STK32B: variants seen among roughly 807,000 people sequenced by gnomAD.
STK32B encodes the protein serine/threonine kinase 32B, also known as serine/threonine-protein kinase 32B.
Under a neutral mutation model 52.6 loss-of-function variants are expected in STK32B, and 43 were observed. That is an observed-to-expected ratio of 0.82 (90% CI 0.64 to 1.05). The LOEUF is 1.05. Ranked by LOEUF, STK32B falls within the 50% of genes least tolerant of loss-of-function variation. The pLI, the probability that STK32B is intolerant of heterozygous loss-of-function variation, is 0.00. For synonymous variants in STK32B, 238 were observed against 204.3 expected, an observed-to-expected ratio of 1.17 and a Z score of -1.41; for missense variants, 621 against 534.6, an observed-to-expected ratio of 1.16 and a Z score of -1.59.
rs1026483081 is a variant in STK32B, at chr4:5,254,985, G to T, written c.261-76235G>T. Among the ~76,000 whole-genome samples the T allele has an allele frequency of 1.8e-4, 24 of 133,312 alleles. 2 individuals carry two copies. Among genetic ancestry groups the T allele is most frequent in the Non-Finnish European group, 7.6e-5 (5 of 65,658 alleles). The allele number at this position is 133,312 out of a possible 152,430, so 87.5% of individuals were successfully genotyped here. A position where few individuals can be genotyped will look rare whatever the true frequency, so the allele number is the denominator to read the frequency against. ...TCACTAATATATATATATGTTTATT[G>T]AGCATCTTATGCACATGAGGCCTTT... On this transcript the variant is annotated intron_variant, in intron 3 of 11. Coordinates refer to ENST00000282908, the MANE Select transcript of STK32B (RefSeq NM_018401.3).
chr4:5,180,110 GAC>G (rs1397301794), intron 3 of STK32B, among the ~76,000 whole-genome samples: 1 of 152,210 alleles, frequency 6.6e-6, no homozygotes, highest in East Asian at 1.9e-4. Flanking sequence ...GTGGCCCCAG[GAC>G]TGGTGCCTGC....
At chr4:5,461,806 CCTT>C (rs1717048749) in intron 9 of STK32B, among the ~76,000 whole-genome samples, 1 of 152,216 alleles carries the variant, frequency 6.6e-6, no homozygotes, top group Non-Finnish European at 1.5e-5. Flanking sequence ...GCCTGGACCT[CCTT>C]CTGCCCGCCC....
chr4:5,327,975 T>A (rs1158508058), intron 3 of STK32B, among the ~76,000 whole-genome samples: 1 of 152,252 alleles, frequency 6.6e-6, no homozygotes, highest in Non-Finnish European at 1.5e-5. Context: ...AGCTTCTCCA[T>A]CAACACCTGC....
chr4:5,166,868 A>G (rs1474069897), intron 2 of STK32B, among the ~76,000 whole-genome samples: 2 of 152,152 alleles, frequency 1.3e-5, no homozygotes, highest in Non-Finnish European at 2.9e-5. Context: ...CAAGGAACCA[A>G]TACAGTCCCT....
chr4:5,309,522 T>C (rs1449883074), intron 3 of STK32B, among the ~76,000 whole-genome samples: 2 of 152,138 alleles, frequency 1.3e-5, no homozygotes, highest in Non-Finnish European at 2.9e-5. Context: ...CAGTATGGTG[T>C]TGACATGAAA....
intron 1 of STK32B, among the ~76,000 whole-genome samples, chr4:5,131,312 C>T (rs141661283): frequency 6.6e-5 from 10 of 152,344 alleles, no homozygotes; most frequent in South Asian, 2.1e-4. Flanking sequence ...AGGCTGAGAT[C>T]GCTGTACAAT....
chr4:5,137,157 G>A (rs890233633), intron 1 of STK32B, among the ~76,000 whole-genome samples: 7 of 152,202 alleles, frequency 4.6e-5, no homozygotes, highest in African/African-American at 1.2e-4. Context: ...CCTCTACAGC[G>A]ATAAAGCTGT....
Position 5,428,101 on chromosome 4 carries a change from T to C in STK32B, c.562+11167T>C, listed in dbSNP as rs183891041. 2.5e-3 allele frequency among the ~76,000 whole-genome samples: 374 copies of C among 152,172 alleles called. 6 individuals are homozygous for C. The highest frequency in any genetic ancestry group is 5.7e-4 in the Non-Finnish European group (39 of 68,014). ...AAATTTAGATATATTGTGCTTTTAA[T>C]TTCATTCAGTTAAAAACATTTCTAG... On this transcript the variant is annotated intron_variant, in intron 6 of 11. Transcript: ENST00000282908.
In STK32B at chr4:5,490,111, ATT is replaced by A. The variant is rs36009435; in HGVS notation, c.1107-8821_1107-8820del. ...GATCTTTTTGTTGTTTTAAGTAGGC[ATT>A]TTTTTTTTTTTTCTAGACAGTCTCA... On this transcript the variant is annotated intron_variant, in intron 11 of 11. Coordinates refer to ENST00000282908, the MANE Select transcript of STK32B (RefSeq NM_018401.3). Among the ~76,000 whole-genome samples the A allele has an allele frequency of 6.7e-4, 96 of 143,308 alleles. 1 individual carries two copies. The highest frequency in any genetic ancestry group is 1.8e-3 in the South Asian group (8 of 4,510). The allele number at this position is 143,308 out of a possible 152,430, so 94.0% of individuals were successfully genotyped here. A position where few individuals can be genotyped will look rare whatever the true frequency, so the allele number is the denominator to read the frequency against.
At chr4:5,276,611 T>A (rs1344742638) in intron 3 of STK32B, among the ~76,000 whole-genome samples, 3 of 152,194 alleles carry the variant, frequency 2.0e-5, no homozygotes, top group African/African-American at 7.2e-5. Context: ...GATTCTTTTT[T>A]TTTTATTTTA....
intron 1 of STK32B, among the ~76,000 whole-genome samples, chr4:5,071,540 T>G (rs1159342987): frequency 1.3e-5 from 2 of 152,192 alleles, no homozygotes; most frequent in Non-Finnish European, 2.9e-5. Context: ...GTAATTATTT[T>G]TAAGCACACT....
intron 3 of STK32B, among the ~76,000 whole-genome samples, chr4:5,314,452 C>A (rs920692730): frequency 2.6e-5 from 4 of 152,112 alleles, no homozygotes; most frequent in African/African-American, 9.7e-5. Flanking sequence ...GGTGGATCAC[C>A]TGAGGTCAAC....
Position 5,413,531 on chromosome 4 carries a change from T to G in STK32B, c.473-3314T>G, listed in dbSNP as rs189633598. On this transcript the variant is annotated intron_variant, in intron 5 of 11. Coordinates refer to ENST00000282908, the MANE Select transcript of STK32B (RefSeq NM_018401.3). ...TGACACTGTCCAAAGACAAAGGATATCATTTTGGGTAGCTCCTGAAAATTG... is the reference window on the plus strand; with the variant it reads ...TGACACTGTCCAAAGACAAAGGATAGCATTTTGGGTAGCTCCTGAAAATTG... Among the ~76,000 whole-genome samples, 36 of 152,342 alleles carry G rather than the reference T, an allele frequency of 2.4e-4. 1 individual carries two copies. The highest frequency in any genetic ancestry group is 8.2e-4 in the African/African-American group (34 of 41,574).
chr4:5,198,067 C>A (rs1721834137), intron 3 of STK32B, among the ~76,000 whole-genome samples: 1 of 152,036 alleles, frequency 6.6e-6, no homozygotes, highest in South Asian at 2.1e-4. Context: ...ATAGAAACTA[C>A]CCCCTATGAT....
At chr4:5,175,120 C>G (rs1164914896) in intron 3 of STK32B, among the ~76,000 whole-genome samples, 1 of 152,172 alleles carries the variant, frequency 6.6e-6, no homozygotes, top group African/African-American at 2.4e-5. Flanking sequence ...GCATTCGTCA[C>G]GTAGTTCTCG....
chr4:5,309,499 A>G (rs1577323569), intron 3 of STK32B, among the ~76,000 whole-genome samples: 2 of 152,212 alleles, frequency 1.3e-5, no homozygotes, highest in Admixed American at 6.5e-5. Flanking sequence ...CCATAAAACT[A>G]TAGTAGCCAA....
intron 3 of STK32B, among the ~76,000 whole-genome samples, chr4:5,247,098 G>C (rs1725511000): frequency 6.6e-6 from 1 of 152,234 alleles, no homozygotes; most frequent in Non-Finnish European, 1.5e-5. Context: ...TCTCTTCAAA[G>C]CTGTCAGACA....
chr4:5,103,892 G>A (rs576787368), intron 1 of STK32B, among the ~76,000 whole-genome samples: 1 of 152,238 alleles, frequency 6.6e-6, no homozygotes, highest in South Asian at 2.1e-4. Context: ...CTGTGAAATA[G>A]TTAGAGTTCA....
chr4:5,041,616 C>T, the STK32B span, among the ~76,000 whole-genome samples: 1 of 151,554 alleles, frequency 6.6e-6, no homozygotes, highest in African/African-American at 2.4e-5. Flanking sequence ...TTATGGACCC[C>T]TATTTTGAGT....
Sources: gnomAD v4.1 joint callset for allele counts (sites outside exome capture counted in the v4.1 genomes callset) on GRCh38, gnomAD v4.1.1 for gene constraint, MANE v1.5 for transcripts, NCBI Gene and HGNC (gene_info 2026-07-23, HGNC 2026-07-21) for gene names.